Variants in PLCB1 observed in about 807,000 individuals in gnomAD.
PLCB1 encodes phospholipase C beta 1, also known as 1-phosphatidylinositol 4,5-bisphosphate phosphodiesterase beta-1.
A neutral mutation model predicts 161.8 loss-of-function variants in PLCB1; 46 were observed. That is an observed-to-expected ratio of 0.28 (90% CI 0.22 to 0.36). The LOEUF is 0.36. PLCB1 is among the 10% of genes least tolerant of loss of function. The pLI is 1.00. For missense variants in PLCB1, 1,016 were observed against 1,472.5 expected (o/e 0.69, Z 5.07); for synonymous variants, 517 against 503.7 (o/e 1.03, Z -0.35).
intron 3 of PLCB1, among the ~76,000 whole-genome samples, chr20:8,582,980 C>A (rs1986879452): frequency 1.5e-5 from 2 of 133,358 alleles, no homozygotes; most frequent in South Asian, 2.5e-4. Flanking sequence ...CAGAGTGAGA[C>A]TCCATCTCAA....
chr20:8,786,917 C>T (rs1195468890), intron 27 of PLCB1, among the ~76,000 whole-genome samples: 1 of 152,024 alleles, frequency 6.6e-6, no homozygotes, highest in Non-Finnish European at 1.5e-5. Flanking sequence ...GTTGGCCAGG[C>T]TAGTCTCAAA....
At chr20:8,384,166 C>T (rs1220677586) in intron 3 of PLCB1, among the ~76,000 whole-genome samples, 1 of 152,060 alleles carries the variant, frequency 6.6e-6, no homozygotes, top group Admixed American at 6.6e-5. Flanking sequence ...TCCATTCAAT[C>T]GTAGGTTCAG....
Position 8,440,107 on chromosome 20 carries a change from G to A in PLCB1, c.246+68657G>A, listed in dbSNP as rs77367103. Among the ~76,000 whole-genome samples the A allele has an allele frequency of 4.4e-3, 669 of 152,250 alleles. 7 individuals carry two copies. The highest frequency in any genetic ancestry group is 0.015 in the African/African-American group (612 of 41,546). On this transcript the variant is annotated intron_variant, in intron 3 of 31. Coordinates refer to ENST00000338037, the MANE Select transcript of PLCB1 (RefSeq NM_015192.4). ...CATACTCAGAGCTTCTTTCATAAGG[G>A]CATTTGAAATGTATGCTGATCACCT...
intron 9 of PLCB1, among the ~76,000 whole-genome samples, chr20:8,679,780 A>C (rs1990171701): frequency 6.6e-6 from 1 of 152,248 alleles, no homozygotes; most frequent in Non-Finnish European, 1.5e-5. Context: ...AAAATATATA[A>C]GGTAATTTAT....
At chr20:8,278,989 A>T (rs932185692) in intron 2 of PLCB1, among the ~76,000 whole-genome samples, 2 of 151,560 alleles carry the variant, frequency 1.3e-5, no homozygotes, top group Admixed American at 1.3e-4. Flanking sequence ...AAAAAAAAAA[A>T]CAAAACAGAA....
At chr20:8,270,561 A>ACT (rs886350239) in intron 2 of PLCB1, among the ~76,000 whole-genome samples, 1 of 152,152 alleles carries the variant, frequency 6.6e-6, no homozygotes, top group African/African-American at 2.4e-5. Context: ...ATGAGGAGAA[A>ACT]CTATATGTGC....
intron 3 of PLCB1, among the ~76,000 whole-genome samples, chr20:8,425,795 G>A (rs1215170021): frequency 1.3e-5 from 2 of 151,928 alleles, no homozygotes; most frequent in East Asian, 3.9e-4. Flanking sequence ...CAATGTCCAC[G>A]CTCATTAAGG....
Position 8,790,196 on chromosome 20 carries a change from C to A in PLCB1, c.3358C>A (p.Arg1120=). The A allele has an allele frequency of 1.2e-6, 2 of 1,610,848 alleles. No homozygotes were observed. Among genetic ancestry groups the A allele is most frequent in the Non-Finnish European group, 1.7e-6 (2 of 1,177,908 alleles). Residue 1120 remains arginine, a synonymous_variant, in exon 31 of 32, where the codon CGG becomes AGG. Transcript: ENST00000338037. ...IKRLEEAQSK[R]QEKLVEKHKE... ...ATAGCTAGAAGAAGCGCAAAGTAAA[C>A]GGCAAGAAAAACTCGTAGAGAAACA...
chr20:8,265,460 A>G (rs2294257), intron 2 of PLCB1, among the ~76,000 whole-genome samples: 33,346 of 152,096 alleles, frequency 0.22, 3,823 homozygotes, highest in East Asian at 0.34. Context: ...AACTGAACAC[A>G]TTTTTGGCTA....
At chr20:8,314,841 T>C (rs1984563126) in intron 2 of PLCB1, among the ~76,000 whole-genome samples, 1 of 152,182 alleles carries the variant, frequency 6.6e-6, no homozygotes, top group Non-Finnish European at 1.5e-5. Flanking sequence ...AGCTAGGCTA[T>C]TCCTATGATA....
intron 2 of PLCB1, among the ~76,000 whole-genome samples, chr20:8,304,383 A>G (rs1372901698): frequency 2.6e-5 from 4 of 151,978 alleles, no homozygotes; most frequent in African/African-American, 9.7e-5. Context: ...ACCCCCTTCT[A>G]AGAGAAGCCT....
At chr20:8,805,861 C>G (rs1984512539) in intron 31 of PLCB1, among the ~76,000 whole-genome samples, 1 of 152,146 alleles carries the variant, frequency 6.6e-6, no homozygotes. Context: ...GGTACAACAC[C>G]TGTGCCTCAA....
intron 3 of PLCB1, among the ~76,000 whole-genome samples, chr20:8,611,657 A>G (rs1190238642): frequency 4.6e-5 from 7 of 152,192 alleles, no homozygotes; most frequent in Non-Finnish European, 8.8e-5. Context: ...CATTTTATTG[A>G]TGAAATAGTT....
intron 2 of PLCB1, among the ~76,000 whole-genome samples, chr20:8,263,624 A>G (rs140132401): frequency 7.9e-5 from 12 of 152,324 alleles, no homozygotes; most frequent in African/African-American, 2.9e-4. Context: ...CCTAAAATAT[A>G]TGGCATAGCT....
chr20:8,224,106 G>T (rs1217727288), intron 2 of PLCB1, among the ~76,000 whole-genome samples: 1 of 152,168 alleles, frequency 6.6e-6, no homozygotes, highest in Non-Finnish European at 1.5e-5. Context: ...AACTTAATTT[G>T]CACATTTGTT....
rs144296593 is a variant in PLCB1 at position 8,178,902 on chromosome 20, A to G, written c.177+28531A>G. On this transcript the variant is annotated intron_variant, in intron 2 of 31. Coordinates refer to ENST00000338037, the MANE Select transcript of PLCB1 (RefSeq NM_015192.4). ...TTATTGAATAGGCAATCCATTCCCC[A>G]TTGCTTGTTTTGTCGACTGTGTCGA... Among the ~76,000 whole-genome samples, 211 of 152,146 alleles carry G rather than the reference A, an allele frequency of 1.4e-3. No individual in the cohort carries two copies. The Middle Eastern group carries it at 0.02, about 15-fold the overall frequency.
intron 2 of PLCB1, among the ~76,000 whole-genome samples, chr20:8,230,056 CAAAAAAAAAAAAAA>C (rs547874616): frequency 1.0e-4 from 6 of 58,870 alleles, no homozygotes; most frequent in African/African-American, 1.3e-4. Context: ...GACTTGGCAG[CAAAAAAAAAAAAAA>C]AAAAAAAAAA....
chr20:8,489,471 C>A (rs1487045312), intron 3 of PLCB1, among the ~76,000 whole-genome samples: 1 of 152,162 alleles, frequency 6.6e-6, no homozygotes, highest in Non-Finnish European at 1.5e-5. Context: ...TATGTAACTG[C>A]TCATTTTGTG....
intron 26 of PLCB1, among the ~76,000 whole-genome samples, chr20:8,768,569 A>G (rs934018444): frequency 6.6e-6 from 1 of 152,242 alleles, no homozygotes; most frequent in Admixed American, 6.5e-5. Context: ...ACTTCTATGT[A>G]CTATTCCATA....
Sources: gnomAD v4.1 joint callset for allele counts (sites outside exome capture counted in the v4.1 genomes callset) on GRCh38, gnomAD v4.1.1 for gene constraint, MANE v1.5 for transcripts, NCBI Gene and HGNC (gene_info 2026-07-23, HGNC 2026-07-21) for gene names.